Variants in TPM1 observed in about 807,000 individuals in gnomAD.
TPM1 encodes the protein tropomyosin alpha-1 chain.
In TPM1, 24 loss-of-function variants were observed where a neutral mutation model predicts 42.9. The ratio of observed to expected loss-of-function variants is 0.56; its 90% CI spans 0.41 to 0.79. The LOEUF (loss-of-function observed/expected upper bound fraction) is 0.79, where lower values mean the gene tolerates loss of function less well. Ranked by LOEUF, TPM1 falls within the 30% of genes least tolerant of loss-of-function variation. TPM1 has a pLI of 0.00. For missense variants in TPM1, 158 were observed against 351.8 expected (o/e 0.45, Z 4.41); for synonymous variants, 136 against 130.1 (o/e 1.05, Z -0.31).
intron 7 of TPM1, 122 bp downstream of exon 7, chr15:63,062,399 C>A: frequency 7.6e-7 from 1 of 1,309,166 alleles, no homozygotes; most frequent in Non-Finnish European, 1.1e-6. Context: ...CAAAGGTCGC[C>A]TTGGAGTTTA....
At chr15:63,048,713 G>A in intron 2 of TPM1, 2 of 1,537,588 alleles carry the variant, frequency 1.3e-6, no homozygotes, top group Admixed American at 4.0e-5. Context: ...AGACCGTAAG[G>A]GATACACCCA....
At position 63,059,810 on chromosome 15, in the gene TPM1, G is replaced by A. The variant is rs2035351730; in HGVS notation, c.492+130G>A. ...TGGCAGAAATGGGTGGTTTTGAGAA[G>A]CAGAGTTCCTTTGTGTCCAGAAAAC... is the stretch of plus-strand genomic sequence containing the variant. On this transcript the variant is annotated intron_variant, in intron 4 of 9. Coordinates refer to ENST00000403994, the MANE Select transcript of TPM1 (RefSeq NM_001018005.2). The A allele has an allele frequency of 1.1e-5, 7 of 663,682 alleles. No homozygotes were observed. The East Asian group carries it at 2.3e-4, about 22-fold the overall frequency. The allele number at this position is 663,682 out of a possible 1,614,324, so 41.1% of individuals were successfully genotyped here.
intron 2 of TPM1, among the ~76,000 whole-genome samples, chr15:63,053,673 ATTTTTT>A (rs397853689): frequency 1.3e-5 from 1 of 75,110 alleles, no homozygotes; most frequent in Non-Finnish European, 2.7e-5. Context: ...TGGAAGTTTG[ATTTTTT>A]TTTTTTTTTT....
chr15:63,061,051 G>T, intron 5 of TPM1, 112 bp downstream of exon 5: 1 of 1,503,582 alleles, frequency 6.7e-7, no homozygotes, highest in Non-Finnish European at 9.2e-7. Context: ...GGCTCCTTTT[G>T]TGCTCATTTG....
At chr15:63,066,197 T>G (rs150926100), downstream of TPM1, 2 of 1,396,884 alleles carry the variant, frequency 1.4e-6, no homozygotes, top group Non-Finnish European at 1.8e-6. Flanking sequence ...AGTGTTTGGC[T>G]GCTGCTTTTT....
chr15:63,044,418 G>A (rs2031955631), intron 2 of TPM1: 2 of 611,560 alleles, frequency 3.3e-6, no homozygotes, highest in East Asian at 2.7e-5. Flanking sequence ...GAATAGAGCA[G>A]CTGAAATTGG....
Position 63,048,217 on chromosome 15 carries a change from A to G in TPM1, c.240+4065A>G, listed in dbSNP as rs73431508. ...CGCCGCGGAGGGGCCCTAGAAGTGG[A>G]AGCCAGAGCCCTAGTGCAGTGGCCT... On this transcript the variant is annotated intron_variant, in intron 2 of 9. Transcript: ENST00000403994. 76,415 of 467,140 alleles carry G rather than the reference A, an allele frequency of 0.16. 8,295 individuals carry two copies. Among genetic ancestry groups the G allele is most frequent in the East Asian group, 0.44 (6,429 of 14,622 alleles). 28.9% of individuals were successfully genotyped at this position (467,140 alleles called of 1,614,324 possible).
chr15:63,061,318 C>A, intron 5 of TPM1: 1 of 1,585,036 alleles, frequency 6.3e-7, no homozygotes, highest in Non-Finnish European at 8.7e-7. Flanking sequence ...GCAACCCAGA[C>A]ATCTTTCAGC....
chr15:63,069,893 C>G (rs772509023), downstream of TPM1: 1 of 1,614,110 alleles, frequency 6.2e-7, no homozygotes, highest in Admixed American at 1.7e-5. Flanking sequence ...GCAACTTGAG[C>G]AAAATCGCCG....
chr15:63,065,426 A>T (rs2036168411), intron 9 of TPM1: 1 of 1,027,018 alleles, frequency 9.7e-7, no homozygotes, highest in Admixed American at 5.2e-5. Context: ...GCTGCCTTAG[A>T]GGTTATAGAA....
At chr15:63,063,088 A>C (rs1352705069) in intron 8 of TPM1, 1 of 978,390 alleles carries the variant, frequency 1.0e-6, no homozygotes, top group Non-Finnish European at 1.2e-6. Flanking sequence ...TTTAAGTCAT[A>C]TATTATCTTA....
intron 3 of TPM1, among the ~76,000 whole-genome samples, 168 bp downstream of exon 3, chr15:63,057,286 G>A (rs1393949321): frequency 6.6e-6 from 1 of 152,218 alleles, no homozygotes; most frequent in African/African-American, 2.4e-5. Flanking sequence ...TTTAGCATTA[G>A]TGAAACACCT....
chr15:63,058,894 A>G (rs1596369041), intron 3 of TPM1, among the ~76,000 whole-genome samples: 2 of 152,264 alleles, frequency 1.3e-5, no homozygotes, highest in South Asian at 2.1e-4. Flanking sequence ...GGACCCTAAT[A>G]CACTCAGTGT....
chr15:63,055,575 G>A (rs2034644151), intron 2 of TPM1, among the ~76,000 whole-genome samples: 4 of 152,214 alleles, frequency 2.6e-5, no homozygotes, highest in South Asian at 4.1e-4. Context: ...GCAGAGAACT[G>A]TGAGTTCTCT....
rs370871307 is a variant in TPM1 at position 63,042,823 on chromosome 15, C to T, written c.-7C>T. 5.6e-6 allele frequency: 9 copies of T among 1,612,118 alleles called. No individual in the cohort carries two copies. The highest frequency in any genetic ancestry group is 2.2e-5 in the South Asian group (2 of 91,036). Reference sequence around the variant, plus strand: ...CTGCAGCCCCAGGGCCCCTCGCCGCCGCCACCATGGACGCCATCAAGAAGA... The same window carrying T: ...CTGCAGCCCCAGGGCCCCTCGCCGCTGCCACCATGGACGCCATCAAGAAGA... On this transcript the variant is annotated 5_prime_UTR_variant, in exon 1 of 10. Coordinates refer to ENST00000403994, the MANE Select transcript of TPM1 (RefSeq NM_001018005.2).
At chr15:63,056,077 TGA>T (rs1486746428) in intron 2 of TPM1, 1 of 152,262 alleles carries the variant, frequency 6.6e-6, no homozygotes, top group Admixed American at 6.5e-5. Flanking sequence ...TCTGTTCCAA[TGA>T]GGCCAGTTAT....
chr15:63,049,169 G>A, intron 2 of TPM1: 2 of 200,972 alleles, frequency 1.0e-5, no homozygotes, highest in South Asian at 6.0e-5. Context: ...TGGGGCCCGG[G>A]GATGCTACAC....
intron 5 of TPM1, chr15:63,061,180 TCCTGTGTCCACTAACAG>T: frequency 1.9e-6 from 3 of 1,613,824 alleles, no homozygotes; most frequent in Non-Finnish European, 2.5e-6. Context: ...CTTGTGCATT[TCCTGTGTCCACTAACAG>T]CCAAGTCCGA....
At chr15:63,071,090 A>G (rs1566977380), downstream of TPM1, 2 of 1,614,138 alleles carry the variant, frequency 1.2e-6, no homozygotes, top group Non-Finnish European at 1.7e-6. Context: ...CTCACCACAG[A>G]GAAAGTGGCT....
Sources: allele counts gnomAD v4.1 joint callset (sites outside exome capture counted in the v4.1 genomes callset), GRCh38; gene constraint gnomAD v4.1.1; transcripts MANE v1.5; gene names NCBI Gene and HGNC (gene_info 2026-07-23, HGNC 2026-07-21).